Variants in NFIB observed in about 807,000 individuals in gnomAD.
NFIB encodes nuclear factor I B, also known as nuclear factor 1 B-type.
NFIB carries 11 observed loss-of-function variants against 61.5 expected under a neutral mutation model. The ratio of observed to expected loss-of-function variants is 0.18; its 90% CI spans 0.11 to 0.30. NFIB has a LOEUF of 0.30. Among genes scored for constraint, NFIB ranks in the 10% least tolerant of loss-of-function variants. The probability of loss-of-function intolerance (pLI) is 1.00; values close to 1 mark genes in which losing one functional copy is unlikely to be tolerated. For synonymous variants in NFIB, 260 were observed against 216.5 expected, an observed-to-expected ratio of 1.20 and a Z score of -1.76; for missense variants, 471 against 608.9, an observed-to-expected ratio of 0.77 and a Z score of 2.38.
At chr9:14,352,717 T>G (rs2061128499) in intron 1 of NFIB, among the ~76,000 whole-genome samples, 1 of 152,210 alleles carries the variant, frequency 6.6e-6, no homozygotes, top group African/African-American at 2.4e-5. Context: ...CTCTCAGCGT[T>G]GTTGAGAGGC....
chr9:14,182,154 A>T (rs1269732154), intron 2 of NFIB, among the ~76,000 whole-genome samples: 2 of 152,180 alleles, frequency 1.3e-5, no homozygotes, highest in Non-Finnish European at 2.9e-5. Flanking sequence ...CTGCAGACCA[A>T]CTTCTTCGAT....
intron 2 of NFIB, among the ~76,000 whole-genome samples, chr9:14,222,480 T>C (rs2051797594): frequency 6.6e-6 from 1 of 152,146 alleles, no homozygotes. Context: ...TCCAGGTAAA[T>C]CTGTCCCTTT....
chr9:14,239,326 G>A (rs1201791574), intron 2 of NFIB, among the ~76,000 whole-genome samples: 1 of 152,180 alleles, frequency 6.6e-6, no homozygotes, highest in African/African-American at 2.4e-5. Flanking sequence ...CCACGGTGTA[G>A]AGAGGAAAAG....
At position 14,088,181 on chromosome 9, in the gene NFIB, T is replaced by C; in HGVS notation, c.*128A>G. 6.6e-7 allele frequency: 1 copy of C among 1,505,936 alleles called. No homozygotes were observed. The highest frequency in any genetic ancestry group is 8.9e-7 in the Non-Finnish European group (1 of 1,121,220). 93.3% of individuals were successfully genotyped at this position (1,505,936 alleles called of 1,614,324 possible). ...AAAAAAAAATTTCTTAAACTATTGT[T>C]GTGTTTCTTTTTCCCTCAGTTGCTT... On this transcript the variant is annotated 3_prime_UTR_variant, in exon 11 of 11. Coordinates refer to ENST00000380953, the MANE Select transcript of NFIB (RefSeq NM_001190737.2).
chr9:14,358,396 T>C (rs555313234), intron 1 of NFIB, among the ~76,000 whole-genome samples: 3 of 152,270 alleles, frequency 2.0e-5, no homozygotes. Context: ...CCAGATTTTA[T>C]GGGCTAACTA....
At chr9:14,176,403 G>A (rs1306664256) in intron 3 of NFIB, among the ~76,000 whole-genome samples, 2 of 152,110 alleles carry the variant, frequency 1.3e-5, no homozygotes, top group African/African-American at 2.4e-5. Flanking sequence ...GTCCTTGGGT[G>A]CTATCTGAGT....
At chr9:14,161,787 G>T (rs749942900) in intron 3 of NFIB, among the ~76,000 whole-genome samples, 3 of 152,048 alleles carry the variant, frequency 2.0e-5, no homozygotes, top group Non-Finnish European at 4.4e-5. Context: ...CCTTAGGCTG[G>T]AGTTCCCAGA....
intron 2 of NFIB, among the ~76,000 whole-genome samples, chr9:14,210,862 G>A (rs140685544): frequency 6.5e-4 from 99 of 152,210 alleles, no homozygotes; most frequent in African/African-American, 2.2e-3. Flanking sequence ...TTGTGTCAGT[G>A]CTAATATGTA....
the NFIB span, among the ~76,000 whole-genome samples, chr9:14,430,330 T>C: frequency 0.42 from 63,540 of 151,744 alleles, 13,954 homozygotes; most frequent in South Asian, 0.53. Context: ...TTAAGACTTC[T>C]TCTTGCCATG....
chr9:14,346,288 A>ACAC (rs1554715689), intron 1 of NFIB, among the ~76,000 whole-genome samples: 2 of 71,952 alleles, frequency 2.8e-5, no homozygotes, highest in Non-Finnish European at 3.8e-5. Flanking sequence ...GAGGTAACCG[A>ACAC]CACCCCCCCC....
intron 1 of NFIB, among the ~76,000 whole-genome samples, chr9:14,322,998 AAAC>A (rs1176185766): frequency 6.6e-6 from 1 of 152,180 alleles, no homozygotes; most frequent in Non-Finnish European, 1.5e-5. Context: ...AAAGACTCTA[AAAC>A]AACAATAATG....
intron 4 of NFIB, among the ~76,000 whole-genome samples, chr9:14,154,434 T>C (rs2043172357): frequency 6.6e-6 from 1 of 152,164 alleles, no homozygotes; most frequent in African/African-American, 2.4e-5. Context: ...TACCTGATGC[T>C]ACAAAGTGCT....
the NFIB span, among the ~76,000 whole-genome samples, chr9:14,427,476 T>C: frequency 6.5e-4 from 99 of 152,246 alleles, 1 homozygote; most frequent in African/African-American, 2.4e-3. Flanking sequence ...AAGCAGGTAA[T>C]TGGTGGAGCT....
the NFIB span, among the ~76,000 whole-genome samples, chr9:14,514,342 A>T: frequency 6.6e-6 from 1 of 151,986 alleles, no homozygotes; most frequent in East Asian, 1.9e-4. Context: ...ACACACACAC[A>T]CACACGCATC....
chr9:14,301,521 T>C (rs2132652230), intron 2 of NFIB, among the ~76,000 whole-genome samples: 1 of 152,298 alleles, frequency 6.6e-6, no homozygotes, highest in East Asian at 1.9e-4. Context: ...TATATATTTT[T>C]AAATATTTGA....
intron 2 of NFIB, among the ~76,000 whole-genome samples, chr9:14,195,460 CAG>C (rs2131587195): frequency 6.6e-6 from 1 of 152,312 alleles, no homozygotes; most frequent in African/African-American, 2.4e-5. Flanking sequence ...GCACACGAAA[CAG>C]AGAAATAATC....
chr9:14,178,382 A>C (rs769395379), intron 3 of NFIB, among the ~76,000 whole-genome samples: 2 of 152,120 alleles, frequency 1.3e-5, no homozygotes, highest in Non-Finnish European at 2.9e-5. Flanking sequence ...CACACACAAC[A>C]AAATAAAATA....
intron 2 of NFIB, among the ~76,000 whole-genome samples, chr9:14,241,889 A>G (rs1362380422): frequency 3.3e-5 from 5 of 152,204 alleles, no homozygotes; most frequent in East Asian, 1.9e-4. Flanking sequence ...AAAAATCCCA[A>G]TTTGACTCAT....
chr9:14,309,281 G>A (rs1013833374), intron 1 of NFIB, among the ~76,000 whole-genome samples: 4 of 152,142 alleles, frequency 2.6e-5, no homozygotes, highest in African/African-American at 7.2e-5. Flanking sequence ...GAAGAAATTC[G>A]AAGTTTTAAT....
Sources: gnomAD v4.1 joint callset for allele counts (sites outside exome capture counted in the v4.1 genomes callset) on GRCh38, gnomAD v4.1.1 for gene constraint, MANE v1.5 for transcripts, NCBI Gene and HGNC (gene_info 2026-07-23, HGNC 2026-07-21) for gene names.